TMEM234: variants seen among roughly 807,000 people sequenced by gnomAD.
TMEM234 encodes transmembrane protein 234, also known as chromosome 1 open reading frame 91.
Under a neutral mutation model 17.8 loss-of-function variants are expected in TMEM234, and 21 were observed. The ratio of observed to expected loss-of-function variants is 1.18; its 90% CI spans 0.84 to 1.70. The LOEUF is 1.70. Ranked by LOEUF, TMEM234 falls within the 40% of genes most tolerant of loss-of-function variation. The pLI, the probability that TMEM234 is intolerant of heterozygous loss-of-function variation, is 0.00. For synonymous variants in TMEM234, 83 were observed against 73.5 expected (o/e 1.13, Z -0.66); for missense variants, 137 against 166.9 (o/e 0.82, Z 0.99).
intron 3 of TMEM234, 62 bp from the exon 4 acceptor site, chr1:32,217,413 A>T (rs1638497646): frequency 6.3e-7 from 1 of 1,588,464 alleles, no homozygotes; most frequent in East Asian, 2.2e-5. Context: ...GGCACAAAAC[A>T]CTTCCATCAT....
chr1:32,217,048 T>C (rs1334503800), intron 4 of TMEM234, 101 bp from the exon 5 acceptor site: 2 of 1,581,642 alleles, frequency 1.3e-6, no homozygotes, highest in Non-Finnish European at 1.7e-6. Flanking sequence ...TGGTCTTCAA[T>C]CCCAAACCCC....
At position 32,222,127 on chromosome 1, in the gene TMEM234, T is replaced by G. The variant is rs995956353; in HGVS notation, c.17-109A>C. 5 of 1,503,270 alleles carry G rather than the reference T, an allele frequency of 3.3e-6. No individual in the cohort carries two copies. In the African/African-American group the frequency reaches 5.6e-5, roughly 17 times the overall value. The allele number at this position is 1,503,270 out of a possible 1,614,324, so 93.1% of individuals were successfully genotyped here. A position where few individuals can be genotyped will look rare whatever the true frequency, so the allele number is the denominator to read the frequency against. ...AGCCGCCCCCACTTCCCTCCTTCGC[T>G]CTCTTCGCCTCGGCTGCGACTGGCG... is the stretch of plus-strand genomic sequence containing the variant. On this transcript the variant is annotated intron_variant, in intron 1 of 4. Coordinates refer to ENST00000309777, the MANE Select transcript of TMEM234 (RefSeq NM_019118.5).
At chr1:32,217,809 A>C (rs1365300201) in intron 3 of TMEM234, among the ~76,000 whole-genome samples, 1 of 152,208 alleles carries the variant, frequency 6.6e-6, no homozygotes. Flanking sequence ...GCGTAAAAGA[A>C]ACAAAGGCTC....
At chr1:32,214,988 G>A (rs1355200534), downstream of TMEM234, 2 of 1,605,736 alleles carry the variant, frequency 1.2e-6, no homozygotes, top group Non-Finnish European at 1.7e-6. Context: ...AGTGACATAG[G>A]TTGGTCCCTG....
In TMEM234 at chr1:32,216,261, C is replaced by T. The variant is rs767805950; in HGVS notation, c.*592G>A. On this transcript the variant is annotated 3_prime_UTR_variant, in exon 5 of 5. Transcript: ENST00000309777. ...CCAGGTGTGCTGGAGTCAGGTGGGG[C>T]TGGGGCTCACAGCTCTCTACCTGTT... is the stretch of plus-strand genomic sequence containing the variant. 3 of 1,441,120 alleles carry T rather than the reference C, an allele frequency of 2.1e-6. No individual in the cohort carries two copies. The highest frequency in any genetic ancestry group is 1.8e-4 in the Middle Eastern group (1 of 5,618). The allele number at this position is 1,441,120 out of a possible 1,614,324, so 89.3% of individuals were successfully genotyped here.
At position 32,221,166 on chromosome 1, in the gene TMEM234, C is replaced by A. The variant is rs1638870103; in HGVS notation, c.200G>T (p.Gly67Val). ...CAAGGTGAGGTAATAGAGAAGGGAT[C>A]CACACTGGTTGAGGAGAAAGGGCAT... The part of the protein sequence containing the change: ...YLMPFLLNQC[G>V]SLLYYLTLAS... The change falls in exon 3 of 5, where the codon GGA (glycine) becomes GTA (valine). Residue 67 changes from glycine to valine, a missense_variant. Coordinates refer to ENST00000309777, the MANE Select transcript of TMEM234 (RefSeq NM_019118.5). The A allele has an allele frequency of 1.9e-6, 3 of 1,613,710 alleles. No homozygotes were observed. Among genetic ancestry groups the A allele is most frequent in the Non-Finnish European group, 1.7e-6 (2 of 1,179,912 alleles).
intron 3 of TMEM234, among the ~76,000 whole-genome samples, chr1:32,220,779 A>C (rs1313883279): frequency 1.3e-5 from 2 of 152,182 alleles, no homozygotes; most frequent in Non-Finnish European, 2.9e-5. Flanking sequence ...GAAGCCAACT[A>C]TATAAAACCA....
At chr1:32,222,078 T>C (rs1638972385) in intron 1 of TMEM234, 60 bp from the exon 2 acceptor site, 1 of 1,523,704 alleles carries the variant, frequency 6.6e-7, no homozygotes, top group Admixed American at 2.1e-5. Flanking sequence ...CACCCCGCCC[T>C]CTCCTGGCCT....
intron 3 of TMEM234, 71 bp from the exon 4 acceptor site, chr1:32,217,422 A>G (rs1460996589): frequency 6.3e-7 from 1 of 1,588,274 alleles, no homozygotes; most frequent in Non-Finnish European, 8.6e-7. Flanking sequence ...CACTTCCATC[A>G]TCATCATTTC....
intron 2 of TMEM234, among the ~76,000 whole-genome samples, 160 bp downstream of exon 2, chr1:32,221,707 A>C (rs1638925764): frequency 1.3e-5 from 2 of 152,150 alleles, no homozygotes; most frequent in Admixed American, 1.3e-4. Flanking sequence ...TATTATTATA[A>C]TCGCCATTTA....
At chr1:32,214,617 T>C (rs1312016366), downstream of TMEM234, 3 of 820,140 alleles carry the variant, frequency 3.7e-6, no homozygotes, top group Admixed American at 5.9e-5. Context: ...GCTCTGTCCC[T>C]GGATAAGTCA....
downstream of TMEM234, chr1:32,214,717 C>T (rs1412283865): frequency 6.4e-7 from 1 of 1,573,418 alleles, no homozygotes; most frequent in Non-Finnish European, 8.6e-7. Context: ...GCGTCAGGGG[C>T]TCTCTGAAGC....
At chr1:32,221,055 C>T in intron 3 of TMEM234, 76 bp downstream of exon 3, 1 of 1,264,956 alleles carries the variant, frequency 7.9e-7, no homozygotes, top group Non-Finnish European at 1.1e-6. Context: ...GTGTTTCAAG[C>T]TCCACCCCGC....
intron 3 of TMEM234, 195 bp from the exon 4 acceptor site, chr1:32,217,546 T>C (rs2124226962): frequency 7.8e-7 from 1 of 1,277,884 alleles, no homozygotes; most frequent in Non-Finnish European, 1.1e-6. Flanking sequence ...GATTCCAGCA[T>C]GAAGACCTGA....
intron 3 of TMEM234, among the ~76,000 whole-genome samples, chr1:32,219,341 T>C (rs1034275843): frequency 1.2e-4 from 19 of 152,152 alleles, no homozygotes; most frequent in Non-Finnish European, 2.5e-4. Context: ...ATCTAAGAAA[T>C]TGATACAACC....
intron 3 of TMEM234, among the ~76,000 whole-genome samples, chr1:32,220,829 C>CA (rs1638835073): frequency 6.6e-6 from 1 of 152,168 alleles, no homozygotes; most frequent in African/African-American, 2.4e-5. Flanking sequence ...AGGTAGGTAG[C>CA]ACACAGTGGA....
intron 3 of TMEM234, 30 bp downstream of exon 3, chr1:32,221,101 T>C: frequency 6.3e-7 from 1 of 1,594,426 alleles, no homozygotes; most frequent in Non-Finnish European, 8.6e-7. Context: ...CCTCAAACAC[T>C]AAGCAGAACA....
Position 32,216,486 on chromosome 1 carries a change from C to A in TMEM234, c.*367G>T. On this transcript the variant is annotated 3_prime_UTR_variant, in exon 5 of 5. Coordinates refer to ENST00000309777, the MANE Select transcript of TMEM234 (RefSeq NM_019118.5). ...GCTCAAAGTCTGCAGCTGGCCCTTT[C>A]CATGCAGCTGGAGTTCTGCAGTCCA... 6.4e-7 allele frequency: 1 copy of A among 1,551,748 alleles called. No homozygotes were observed. Among genetic ancestry groups the A allele is most frequent in the Non-Finnish European group, 8.7e-7 (1 of 1,147,010 alleles).
Position 32,216,520 on chromosome 1 carries a change from G to A in TMEM234, c.*333C>T, listed in dbSNP as rs1166333937. The A allele has an allele frequency of 1.3e-6, 2 of 1,551,718 alleles. No individual in the cohort carries two copies. Among genetic ancestry groups the A allele is most frequent in the Admixed American group, 2.0e-5 (1 of 50,998 alleles). On this transcript the variant is annotated 3_prime_UTR_variant, in exon 5 of 5. Transcript: ENST00000309777. Reference sequence around the variant, plus strand: ...TGGAGTTCTGCAGTCCATGGAACCTGCCACCATGATAGTCCAGATCAGGCC... The same window carrying A: ...TGGAGTTCTGCAGTCCATGGAACCTACCACCATGATAGTCCAGATCAGGCC...
Sources: allele counts gnomAD v4.1 joint callset (sites outside exome capture counted in the v4.1 genomes callset), GRCh38; gene constraint gnomAD v4.1.1; transcripts MANE v1.5; gene names NCBI Gene and HGNC (gene_info 2026-07-23, HGNC 2026-07-21).